JAKMIP2: variants seen among roughly 807,000 people sequenced by gnomAD.
The protein encoded by JAKMIP2 is janus kinase and microtubule interacting protein 2, also known as janus kinase and microtubule-interacting protein 2.
In JAKMIP2, 25 loss-of-function variants were observed where a neutral mutation model predicts 115.0. The ratio of observed to expected loss-of-function variants is 0.22; its 90% CI spans 0.16 to 0.30. The LOEUF is 0.30. Ranked by LOEUF, JAKMIP2 falls within the 10% of genes least tolerant of loss-of-function variation. The pLI is 1.00. For missense variants in JAKMIP2, 642 were observed against 957.6 expected (o/e 0.67, Z 4.35); for synonymous variants, 334 against 343.6 (o/e 0.97, Z 0.31).
At position 147,736,702 on chromosome 5, in the gene JAKMIP2, G is replaced by A. The variant is rs767737397; in HGVS notation, c.-149+45754C>T. On this transcript the variant is annotated intron_variant, in intron 1 of 21. Transcript: ENST00000616793. ...CTTTTATGAGGTTGGATATTTATAT[G>A]TTGGTTTCAACATATAAATATTGAA... Among the ~76,000 whole-genome samples, 13 of 152,038 alleles carry A rather than the reference G, an allele frequency of 8.6e-5. No individual in the cohort carries two copies. The South Asian group carries it at 2.7e-3, about 32-fold the overall frequency.
At chr5:147,641,541 G>A (rs550784985) in intron 8 of JAKMIP2, among the ~76,000 whole-genome samples, 167 bp downstream of exon 8, 27 of 152,206 alleles carry the variant, frequency 1.8e-4, no homozygotes, top group Admixed American at 1.6e-3. Context: ...TTTAGACTTC[G>A]AAGAAATGTC....
At chr5:147,751,421 C>G (rs1317313137) in intron 1 of JAKMIP2, among the ~76,000 whole-genome samples, 1 of 152,040 alleles carries the variant, frequency 6.6e-6, no homozygotes, top group African/African-American at 2.4e-5. Context: ...AGAGAAAGGA[C>G]TTTTGTATCT....
chr5:147,709,875 G>A (rs1549911), intron 1 of JAKMIP2, among the ~76,000 whole-genome samples: 33,864 of 151,910 alleles, frequency 0.22, 3,983 homozygotes, highest in East Asian at 0.4. Flanking sequence ...AAAAACAATC[G>A]TCCTAGTCTT....
rs561734749 is a variant in JAKMIP2 at position 147,612,303 on chromosome 5, T to A, written c.2412+3A>T. 6.6e-7 allele frequency: 1 copy of A among 1,517,620 alleles called. No homozygotes were observed. Among genetic ancestry groups the A allele is most frequent in the Non-Finnish European group, 9.1e-7 (1 of 1,097,038 alleles). 94.0% of individuals were successfully genotyped at this position (1,517,620 alleles called of 1,614,324 possible). On this transcript the variant is annotated splice_donor_region_variant and intron_variant, in intron 20 of 21. Transcript: ENST00000616793. ...TAAGATAGTTATTGAATTTGACACC[T>A]ACCTTTTCTTCTAAGTCTTTTATTT...
At chr5:147,605,332 C>T (rs891868643) in intron 20 of JAKMIP2, among the ~76,000 whole-genome samples, 3 of 151,424 alleles carry the variant, frequency 2.0e-5, no homozygotes, top group Non-Finnish European at 1.5e-5. Flanking sequence ...GCCTCAGCCT[C>T]TCCAGTAGCT....
intron 3 of JAKMIP2, among the ~76,000 whole-genome samples, chr5:147,656,760 G>A (rs1434154435): frequency 1.3e-5 from 2 of 152,142 alleles, no homozygotes; most frequent in Non-Finnish European, 2.9e-5. Context: ...CACACTAATT[G>A]ATGCAGTTTC....
intron 19 of JAKMIP2, among the ~76,000 whole-genome samples, chr5:147,615,198 T>C (rs904895087): frequency 6.6e-6 from 1 of 152,170 alleles, no homozygotes; most frequent in African/African-American, 2.4e-5. Context: ...TGGTTGTGAA[T>C]GAGTGCATAA....
At position 147,598,577 on chromosome 5, in the gene JAKMIP2, A is replaced by G. The variant is rs547388161; in HGVS notation, c.*20+3164T>C. ...AAACCAGAATGCATAGCCAGATAAT[A>G]TCTTCTGGAACTACTTGGAGTCCCC... On this transcript the variant is annotated intron_variant, in intron 21 of 21. Coordinates refer to ENST00000616793, the MANE Select transcript of JAKMIP2 (RefSeq NM_001270941.2). Among the ~76,000 whole-genome samples, 5 of 152,224 alleles carry G rather than the reference A, an allele frequency of 3.3e-5. No individual in the cohort carries two copies. The East Asian group carries it at 7.7e-4, about 24-fold the overall frequency.
chr5:147,734,075 C>T (rs986330180), intron 1 of JAKMIP2, among the ~76,000 whole-genome samples: 1 of 152,166 alleles, frequency 6.6e-6, no homozygotes, highest in African/African-American at 2.4e-5. Context: ...AAATTACCCT[C>T]CCACCAACAG....
chr5:147,690,871 T>C (rs1313998279), intron 1 of JAKMIP2, among the ~76,000 whole-genome samples: 1 of 152,022 alleles, frequency 6.6e-6, no homozygotes, highest in Non-Finnish European at 1.5e-5. Context: ...GATCTGTTGC[T>C]GGAAATGCTG....
At chr5:147,661,529 G>T in intron 2 of JAKMIP2, 84 bp from the exon 3 acceptor site, 6 of 1,368,342 alleles carry the variant, frequency 4.4e-6, no homozygotes, top group Non-Finnish European at 6.0e-6. Context: ...AGCTCAGGCC[G>T]CTGTGATCTC....
intron 1 of JAKMIP2, among the ~76,000 whole-genome samples, chr5:147,686,335 T>TG (rs112626855): frequency 0.026 from 3,881 of 151,950 alleles, 168 homozygotes; most frequent in African/African-American, 0.088. Flanking sequence ...TCAGTGTTGG[T>TG]GGGGGGGCAC....
At chr5:147,699,797 T>C (rs1000985269) in intron 1 of JAKMIP2, among the ~76,000 whole-genome samples, 2 of 152,202 alleles carry the variant, frequency 1.3e-5, no homozygotes, top group African/African-American at 4.8e-5. Flanking sequence ...AGTAGGACTT[T>C]CTTTGTATGA....
rs1411832237 is a variant in JAKMIP2 at position 147,695,077 on chromosome 5, G to A, written c.-148-23123C>T. Among the ~76,000 whole-genome samples, 3 of 152,208 alleles carry A rather than the reference G, an allele frequency of 2.0e-5. No individual in the cohort carries two copies. In the East Asian group the frequency reaches 5.8e-4, roughly 29 times the overall value. On this transcript the variant is annotated intron_variant, in intron 1 of 21. Coordinates refer to ENST00000616793, the MANE Select transcript of JAKMIP2 (RefSeq NM_001270941.2). The stretch of plus-strand genomic sequence containing the variant: ...TCCCTTCATTCTCAAATTTCTGCTA[G>A]GCATGAGTATTTATGATCAAGCTAG...
intron 1 of JAKMIP2, among the ~76,000 whole-genome samples, chr5:147,699,454 G>T (rs1346306028): frequency 6.6e-6 from 1 of 152,122 alleles, no homozygotes; most frequent in Non-Finnish European, 1.5e-5. Context: ...AAAACAATTA[G>T]AGAGGGACTC....
intron 1 of JAKMIP2, among the ~76,000 whole-genome samples, chr5:147,781,269 C>T (rs1013568115): frequency 2.0e-5 from 3 of 151,788 alleles, no homozygotes; most frequent in African/African-American, 4.9e-5. Flanking sequence ...CAGAAGGAGA[C>T]CCTTAATACA....
intron 1 of JAKMIP2, among the ~76,000 whole-genome samples, chr5:147,721,393 G>C (rs1161197066): frequency 6.6e-6 from 1 of 152,264 alleles, no homozygotes; most frequent in Non-Finnish European, 1.5e-5. Flanking sequence ...GGAGCTTCGA[G>C]GCTGCTTTGT....
chr5:147,645,349 G>A (rs73268165), intron 5 of JAKMIP2, among the ~76,000 whole-genome samples: 3,003 of 152,148 alleles, frequency 0.02, 107 homozygotes, highest in East Asian at 0.13. Context: ...CCTGCACCTG[G>A]AATGACCTGC....
At chr5:147,641,103 A>C (rs1001423286) in intron 8 of JAKMIP2, among the ~76,000 whole-genome samples, 1 of 152,202 alleles carries the variant, frequency 6.6e-6, no homozygotes. Context: ...ATGATGAGCT[A>C]GTGTGGTTTA....
Sources: gnomAD v4.1 joint callset for allele counts (sites outside exome capture counted in the v4.1 genomes callset) on GRCh38, gnomAD v4.1.1 for gene constraint, MANE v1.5 for transcripts, NCBI Gene and HGNC (gene_info 2026-07-23, HGNC 2026-07-21) for gene names.